The following PAPPA2 variants were observed in gnomAD, a reference collection of about 807,000 sequenced individuals.
PAPPA2 encodes pappalysin-2.
A neutral mutation model predicts 176.4 loss-of-function variants in PAPPA2; 86 were observed. The observed-to-expected ratio is 0.49, with a 90% confidence interval of 0.41 to 0.58. The LOEUF (loss-of-function observed/expected upper bound fraction) is 0.58. Ranked by LOEUF, PAPPA2 falls within the 20% of genes least tolerant of loss-of-function variation. The pLI, the probability that PAPPA2 is intolerant of heterozygous loss-of-function variation, is 0.00. For missense variants in PAPPA2, 2,073 were observed against 2,256.9 expected (o/e 0.92, Z 1.65); for synonymous variants, 809 against 852.2 (o/e 0.95, Z 0.88).
intron 1 of PAPPA2, among the ~76,000 whole-genome samples, chr1:176,472,477 G>A (rs1188151802): frequency 6.6e-6 from 1 of 151,990 alleles, no homozygotes; most frequent in Non-Finnish European, 1.5e-5. Flanking sequence ...AGTCAGTCTA[G>A]GCTCATCTTA....
intron 12 of PAPPA2, among the ~76,000 whole-genome samples, chr1:176,715,967 T>C (rs1325744261): frequency 1.3e-5 from 2 of 151,000 alleles, no homozygotes; most frequent in South Asian, 2.1e-4. Context: ...TAAAATATGC[T>C]ATACATATAT....
At chr1:176,523,487 T>A (rs779998631) in intron 1 of PAPPA2, among the ~76,000 whole-genome samples, 1 of 152,198 alleles carries the variant, frequency 6.6e-6, no homozygotes, top group Non-Finnish European at 1.5e-5. Context: ...ACATTATTTG[T>A]CTTCTTTGGG....
At chr1:176,510,650 G>A (rs1421638731) in intron 1 of PAPPA2, among the ~76,000 whole-genome samples, 4 of 151,216 alleles carry the variant, frequency 2.6e-5, no homozygotes, top group African/African-American at 9.7e-5. Context: ...AAGCAAAAAC[G>A]GCAGTCGTTT....
intron 3 of PAPPA2, among the ~76,000 whole-genome samples, chr1:176,609,707 A>T (rs1654805796): frequency 6.6e-6 from 1 of 152,182 alleles, no homozygotes; most frequent in Non-Finnish European, 1.5e-5. Flanking sequence ...TGAAGCTTCC[A>T]GGGCTTGGGC....
intron 4 of PAPPA2, among the ~76,000 whole-genome samples, chr1:176,688,853 G>C (rs1179210904): frequency 6.6e-6 from 1 of 152,210 alleles, no homozygotes; most frequent in East Asian, 1.9e-4. Context: ...CCATAAGGCT[G>C]TGTATGTGGT....
chr1:176,804,744 A>C (rs993428064), intron 21 of PAPPA2, among the ~76,000 whole-genome samples: 1 of 152,236 alleles, frequency 6.6e-6, no homozygotes, highest in African/African-American at 2.4e-5. Context: ...ATTATATCTT[A>C]GCTACTCAAC....
chr1:176,501,046 A>G (rs1403185617), intron 1 of PAPPA2, among the ~76,000 whole-genome samples: 2 of 148,922 alleles, frequency 1.3e-5, no homozygotes, highest in Non-Finnish European at 3.0e-5. Flanking sequence ...ATAGGCATAT[A>G]CAATATATTA....
rs1157842795 is a variant in PAPPA2, at chr1:176,594,964, T to G, written c.1360T>G (p.Leu454Val). The change falls in exon 3 of 23, where the codon TTG becomes GTG. Residue 454 changes from leucine to valine, a missense_variant. Physicochemically the swap from Leu to Val is conservative, Grantham distance 32. This residue lies in a region of PAPPA2 where 1,196 missense variants were observed against 1,330.4 expected (regional missense o/e 0.90). Coordinates refer to ENST00000367662, the MANE Select transcript of PAPPA2 (RefSeq NM_020318.3). ...HSSGEEEATD[L>V]VLTASFEPVN... ...AAGTGGGGAGGAGGAAGCGACTGAC[T>G]TGGTCCTGACAGCGAGCTTTGAGCC... The G allele has an allele frequency of 6.2e-7, 1 of 1,614,208 alleles. No homozygotes were observed. Among genetic ancestry groups the G allele is most frequent in the East Asian group, 2.2e-5 (1 of 44,870 alleles).
chr1:176,602,325 G>A (rs1393154566), intron 3 of PAPPA2, among the ~76,000 whole-genome samples: 2 of 152,122 alleles, frequency 1.3e-5, no homozygotes, highest in African/African-American at 4.8e-5. Flanking sequence ...TCCTCAAGAG[G>A]GTGGCTGGGA....
intron 3 of PAPPA2, among the ~76,000 whole-genome samples, chr1:176,622,111 C>A (rs1248728653): frequency 6.6e-6 from 1 of 152,078 alleles, no homozygotes; most frequent in Non-Finnish European, 1.5e-5. Context: ...TATCAGCTAT[C>A]TGTAGTTTGT....
intron 3 of PAPPA2, among the ~76,000 whole-genome samples, chr1:176,612,826 T>C (rs768710295): frequency 3.7e-4 from 56 of 152,308 alleles, no homozygotes; most frequent in Non-Finnish European, 6.3e-4. Flanking sequence ...GTTAAAATAA[T>C]TTTATTCCAG....
intron 1 of PAPPA2, among the ~76,000 whole-genome samples, chr1:176,553,037 C>G (rs1182112775): frequency 1.3e-5 from 2 of 152,014 alleles, no homozygotes; most frequent in South Asian, 4.2e-4. Flanking sequence ...GTCTTTCTCC[C>G]TGGCATCGAG....
chr1:176,518,462 A>C (rs925475685), intron 1 of PAPPA2, among the ~76,000 whole-genome samples: 4 of 152,046 alleles, frequency 2.6e-5, no homozygotes, highest in East Asian at 3.9e-4. Context: ...TAAAAAAAAA[A>C]AAAAAAACAA....
At chr1:176,675,234 A>G (rs1482734089) in intron 4 of PAPPA2, among the ~76,000 whole-genome samples, 4 of 152,104 alleles carry the variant, frequency 2.6e-5, no homozygotes, top group African/African-American at 7.2e-5. Context: ...AGAAAGACAT[A>G]ATCAAAAGCC....
chr1:176,568,764 C>T (rs755757772), intron 2 of PAPPA2, among the ~76,000 whole-genome samples: 17 of 152,134 alleles, frequency 1.1e-4, no homozygotes, highest in African/African-American at 3.9e-4. Context: ...TTTATTTGGC[C>T]CTGTTGTGTT....
At chr1:176,584,204 A>G (rs944200141) in intron 2 of PAPPA2, among the ~76,000 whole-genome samples, 4 of 152,164 alleles carry the variant, frequency 2.6e-5, no homozygotes, top group Admixed American at 6.5e-5. Context: ...TTCAAATTTT[A>G]TGGGCTTTTT....
At chr1:176,602,083 A>C (rs1654358145) in intron 3 of PAPPA2, among the ~76,000 whole-genome samples, 1 of 152,156 alleles carries the variant, frequency 6.6e-6, no homozygotes, top group Admixed American at 6.5e-5. Flanking sequence ...CTAGTGTCTG[A>C]CCATGCTCTG....
At chr1:176,691,027 G>T (rs1171467969) in intron 5 of PAPPA2, 3 of 985,000 alleles carry the variant, frequency 3.0e-6, no homozygotes, top group Non-Finnish European at 3.6e-6. Flanking sequence ...TAAAAAAATG[G>T]CATCTTCCTG....
At chr1:176,759,756 C>G (rs1273556381) in intron 14 of PAPPA2, among the ~76,000 whole-genome samples, 3 of 152,144 alleles carry the variant, frequency 2.0e-5, no homozygotes, top group Admixed American at 6.5e-5. Flanking sequence ...CTCTGGGGGA[C>G]AGTTCATGGA....
Sources: gnomAD v4.1 joint callset for allele counts (sites outside exome capture counted in the v4.1 genomes callset) on GRCh38, gnomAD v4.1.1 for gene constraint, gnomAD v4.1.1 regional missense constraint, MANE v1.5 for transcripts, NCBI Gene and HGNC (gene_info 2026-07-23, HGNC 2026-07-21) for gene names.